MTUS2: variants seen among roughly 807,000 people sequenced by gnomAD.
MTUS2 encodes the protein microtubule-associated tumor suppressor candidate 2.
A neutral mutation model predicts 114.1 loss-of-function variants in MTUS2; 40 were observed. The observed-to-expected ratio is 0.35, with a 90% CI of 0.27 to 0.46. The LOEUF (loss-of-function observed/expected upper bound fraction) is 0.46. MTUS2 is among the 20% of genes least tolerant of loss of function. The pLI is 1.00. For missense variants in MTUS2, 1,679 were observed against 1,705.4 expected (o/e 0.98, Z 0.27); for synonymous variants, 688 against 672.0 (o/e 1.02, Z -0.37).
chr13:29,033,200 T>C (rs1410295739), intron 3 of MTUS2, among the ~76,000 whole-genome samples: 1 of 152,226 alleles, frequency 6.6e-6, no homozygotes, highest in Non-Finnish European at 1.5e-5. Context: ...TTGATGAGAT[T>C]GTGCCCTAGA....
chr13:29,270,384 A>T (rs1028641451), intron 5 of MTUS2, among the ~76,000 whole-genome samples: 1 of 152,164 alleles, frequency 6.6e-6, no homozygotes, highest in Admixed American at 6.5e-5. Flanking sequence ...CCTCTGCCGC[A>T]TGCCTGTCAC....
At chr13:29,133,132 T>G (rs1445383384) in intron 5 of MTUS2, among the ~76,000 whole-genome samples, 1 of 152,158 alleles carries the variant, frequency 6.6e-6, no homozygotes, top group Non-Finnish European at 1.5e-5. Flanking sequence ...TGAGCATGTT[T>G]TCATATGATT....
At chr13:29,082,317 C>T (rs1013445950) in intron 4 of MTUS2, among the ~76,000 whole-genome samples, 10 of 152,200 alleles carry the variant, frequency 6.6e-5, no homozygotes, top group African/African-American at 1.7e-4. Context: ...TTTGTTATGA[C>T]GGCCTGAGCT....
At chr13:29,451,018 G>A (rs1185230341) in intron 9 of MTUS2, among the ~76,000 whole-genome samples, 1 of 152,176 alleles carries the variant, frequency 6.6e-6, no homozygotes, top group Non-Finnish European at 1.5e-5. Flanking sequence ...ACTCCACTCT[G>A]AGTAACAATA....
intron 8 of MTUS2, among the ~76,000 whole-genome samples, chr13:29,384,787 C>CT (rs1872524147): frequency 6.6e-6 from 1 of 152,190 alleles, no homozygotes; most frequent in African/African-American, 2.4e-5. Flanking sequence ...AGCCCCCAGC[C>CT]TGGGACTCCA....
intron 1 of MTUS2, among the ~76,000 whole-genome samples, chr13:28,822,140 T>A (rs1159225946): frequency 6.6e-6 from 1 of 152,222 alleles, no homozygotes; most frequent in Non-Finnish European, 1.5e-5. Flanking sequence ...TTTTTATTGT[T>A]TTTAAGGTCA....
At chr13:29,097,118 C>G (rs1489094670) in intron 4 of MTUS2, among the ~76,000 whole-genome samples, 2 of 148,726 alleles carry the variant, frequency 1.3e-5, no homozygotes, top group Non-Finnish European at 1.5e-5. Flanking sequence ...GGAAACCCAT[C>G]CTTTTGGCCA....
rs2989382 is a variant in MTUS2, at chr13:29,281,861, C to G, written c.2802C>G (p.Pro934=). 6.3e-7 allele frequency: 1 copy of G among 1,593,352 alleles called. No homozygotes were observed. The highest frequency in any genetic ancestry group is 8.6e-7 in the Non-Finnish European group (1 of 1,166,938). The part of the protein sequence containing the change: ...LLPAPKSTST[P]AGTKKDAQKD... The stretch of plus-strand genomic sequence containing the variant: ...CAGCGCCAAAATCCACTTCCACACC[C>G]GCTGGTAAGACTTTGTGCCTTGGAG... The change falls in exon 6 of 16, where the codon CCC becomes CCG. Residue 934 remains proline, a synonymous_variant. Coordinates refer to ENST00000612955, the MANE Select transcript of MTUS2 (RefSeq NM_001033602.4).
At chr13:29,256,211 T>C (rs1387214733) in intron 5 of MTUS2, among the ~76,000 whole-genome samples, 1 of 152,228 alleles carries the variant, frequency 6.6e-6, no homozygotes, top group Admixed American at 6.5e-5. Context: ...GATACAGAGC[T>C]TATCCCAATG....
chr13:29,332,461 G>T (rs7986270), intron 7 of MTUS2, among the ~76,000 whole-genome samples: 11,454 of 151,718 alleles, frequency 0.075, 1,371 homozygotes, highest in African/African-American at 0.25. Flanking sequence ...TTCTTTATTA[G>T]TCTGGCTAGT....
intron 1 of MTUS2, among the ~76,000 whole-genome samples, chr13:28,838,560 G>A (rs1364990479): frequency 6.6e-6 from 1 of 152,140 alleles, no homozygotes; most frequent in Non-Finnish European, 1.5e-5. Flanking sequence ...TCTTCCCCAC[G>A]CTTCCCTCTG....
intron 2 of MTUS2, among the ~76,000 whole-genome samples, chr13:29,003,445 T>C (rs74045510): frequency 0.018 from 2,692 of 152,334 alleles, 81 homozygotes; most frequent in African/African-American, 0.061. Flanking sequence ...CTCTCCTATA[T>C]GCTTCTTCCA....
intron 5 of MTUS2, among the ~76,000 whole-genome samples, chr13:29,186,244 G>C (rs555395343): frequency 6.6e-6 from 1 of 152,032 alleles, no homozygotes; most frequent in East Asian, 1.9e-4. Flanking sequence ...GTTAAAGATA[G>C]AATAACAAAA....
chr13:28,903,548 A>G, intron 2 of MTUS2, among the ~76,000 whole-genome samples: 2 of 151,422 alleles, frequency 1.3e-5, no homozygotes, highest in Non-Finnish European at 2.9e-5. Context: ...TTTGCTGAGA[A>G]TGATGGTTTC....
At chr13:29,492,575 C>T in intron 11 of MTUS2, 71 bp from the exon 12 acceptor site, 3 of 1,284,168 alleles carry the variant, frequency 2.3e-6, no homozygotes, top group South Asian at 2.5e-5. Context: ...GGTCTTAAGT[C>T]TGCCAAAAGA....
intron 2 of MTUS2, among the ~76,000 whole-genome samples, chr13:28,887,305 C>T (rs1249273904): frequency 2.6e-5 from 4 of 152,122 alleles, no homozygotes; most frequent in African/African-American, 7.2e-5. Context: ...CTGCTGTCTT[C>T]CAGATACCCT....
intron 5 of MTUS2, among the ~76,000 whole-genome samples, chr13:29,205,867 CAT>C (rs780071308): frequency 4.6e-5 from 7 of 152,178 alleles, no homozygotes; most frequent in Non-Finnish European, 7.3e-5. Flanking sequence ...CTGTCATAAA[CAT>C]GTGTGTTCAA....
chr13:28,911,774 A>G (rs910088714), intron 2 of MTUS2, among the ~76,000 whole-genome samples: 2 of 146,068 alleles, frequency 1.4e-5, no homozygotes, highest in Admixed American at 6.8e-5. Context: ...GCTTTTTTTC[A>G]TATGTTTATT....
intron 2 of MTUS2, among the ~76,000 whole-genome samples, chr13:28,843,799 C>T (rs371833512): frequency 7.2e-5 from 11 of 152,298 alleles, no homozygotes; most frequent in East Asian, 5.8e-4. Context: ...AGGGCACACA[C>T]GGGGGATGGG....
Sources: allele counts gnomAD v4.1 joint callset (sites outside exome capture counted in the v4.1 genomes callset), GRCh38; gene constraint gnomAD v4.1.1; transcripts MANE v1.5; gene names NCBI Gene and HGNC (gene_info 2026-07-23, HGNC 2026-07-21).